Variants in THRB observed in about 807,000 individuals in gnomAD.
The protein encoded by THRB is thyroid hormone receptor beta.
A neutral mutation model predicts 47.8 loss-of-function variants in THRB; 12 were observed. The ratio of observed to expected loss-of-function variants is 0.25; its 90% confidence interval spans 0.16 to 0.41. The LOEUF is 0.41. Among genes scored for constraint, THRB ranks in the 10% least tolerant of loss-of-function variants. The probability of loss-of-function intolerance (pLI) is 1.00; values close to 1 mark genes in which losing one functional copy is unlikely to be tolerated. For missense variants in THRB, 348 were observed against 589.2 expected, an observed-to-expected ratio of 0.59 and a Z score of 4.24; for synonymous variants, 218 against 212.2, an observed-to-expected ratio of 1.03 and a Z score of -0.24.
intron 4 of THRB, among the ~76,000 whole-genome samples, chr3:24,204,934 A>C (rs13064080): frequency 6.6e-6 from 1 of 151,930 alleles, no homozygotes; most frequent in Admixed American, 6.5e-5. Flanking sequence ...GAAATGAAGC[A>C]AGAAGAGAAG....
intron 3 of THRB, among the ~76,000 whole-genome samples, chr3:24,279,204 T>A (rs1238933737): frequency 6.6e-6 from 1 of 152,184 alleles, no homozygotes; most frequent in African/African-American, 2.4e-5. Context: ...ATTCCATAAA[T>A]GGAGAACTGG....
chr3:24,161,601 G>C (rs1575505649), intron 5 of THRB, among the ~76,000 whole-genome samples: 2 of 116,170 alleles, frequency 1.7e-5, no homozygotes, highest in East Asian at 6.4e-4. Context: ...TTCACCTGGA[G>C]TCAACAGAGC....
intron 3 of THRB, among the ~76,000 whole-genome samples, chr3:24,275,317 C>A (rs1013656122): frequency 6.6e-6 from 1 of 152,174 alleles, no homozygotes; most frequent in Non-Finnish European, 1.5e-5. Context: ...TAAGTTTATG[C>A]AACATTAAAA....
At chr3:24,392,801 A>C (rs1479144597) in intron 1 of THRB, among the ~76,000 whole-genome samples, 1 of 152,170 alleles carries the variant, frequency 6.6e-6, no homozygotes, top group Non-Finnish European at 1.5e-5. Flanking sequence ...AATTCCTGAA[A>C]GGATTTTCAT....
At chr3:24,133,543 T>A (rs2034184473) in intron 8 of THRB, 81 bp from the exon 9 acceptor site, 1 of 1,333,632 alleles carries the variant, frequency 7.5e-7, no homozygotes, top group African/African-American at 1.4e-5. Context: ...TGGCAGAAAA[T>A]CTCTTCTGAA....
intron 5 of THRB, among the ~76,000 whole-genome samples, chr3:24,153,515 T>C (rs1029442883): frequency 2.0e-5 from 3 of 152,232 alleles, no homozygotes; most frequent in Non-Finnish European, 4.4e-5. Context: ...AAAATCCAAC[T>C]ATGATAACTC....
chr3:24,390,247 T>G (rs1241610230), intron 1 of THRB, among the ~76,000 whole-genome samples: 1 of 152,148 alleles, frequency 6.6e-6, no homozygotes, highest in Admixed American at 6.6e-5. Context: ...TAAAGAGGCA[T>G]GAGCCCTCTC....
intron 6 of THRB, among the ~76,000 whole-genome samples, chr3:24,148,633 G>A (rs555447417): frequency 6.6e-6 from 1 of 152,272 alleles, no homozygotes; most frequent in Admixed American, 6.5e-5. Context: ...GATAAATGGT[G>A]GGAAATATCA....
chr3:24,434,427 T>C lies in THRB; in HGVS notation c.-261+60225A>G, dbSNP rs147516277. ...TGCTAAAGGTGTAGATAACAGTACA[T>C]AGGAATCAAACATGACCAGAATAGA... On this transcript the variant is annotated intron_variant, in intron 1 of 10. Coordinates refer to ENST00000646209, the MANE Select transcript of THRB (RefSeq NM_001354712.2). Among the ~76,000 whole-genome samples, 4 of 152,132 alleles carry C rather than the reference T, an allele frequency of 2.6e-5. No individual in the cohort carries two copies. In the East Asian group the frequency reaches 7.7e-4, roughly 29 times the overall value.
chr3:24,130,755 C>A (rs1298071623), intron 9 of THRB, among the ~76,000 whole-genome samples: 3 of 152,162 alleles, frequency 2.0e-5, no homozygotes, highest in Admixed American at 2.0e-4. Flanking sequence ...TATCTCGGTC[C>A]TTAAATTCCA....
chr3:24,440,742 G>GA (rs546810778), intron 1 of THRB, among the ~76,000 whole-genome samples: 186 of 152,256 alleles, frequency 1.2e-3, no homozygotes, highest in African/African-American at 4.5e-3. Flanking sequence ...CTGAGGGGGT[G>GA]AAAGGGATGA....
At chr3:24,247,112 G>T (rs1214438248) in intron 3 of THRB, among the ~76,000 whole-genome samples, 1 of 152,176 alleles carries the variant, frequency 6.6e-6, no homozygotes, top group African/African-American at 2.4e-5. Flanking sequence ...GCTTTGAGTA[G>T]AAATCTACAA....
At chr3:24,298,243 A>G (rs2167115) in intron 2 of THRB, among the ~76,000 whole-genome samples, 70,793 of 152,040 alleles carry the variant, frequency 0.47, 17,818 homozygotes, top group African/African-American at 0.68. Context: ...GTGCCTTGAG[A>G]AAGGATCACA....
Position 24,143,657 on chromosome 3 carries a change from C to T in THRB, c.582G>A (p.Glu194=), listed in dbSNP as rs780976824. Reference sequence around the variant, plus strand: ...CTTCCCGCCGTCTTTTCTCCCGGTTCTCCTCTATCAGCTTCCTCTTGGCCA... The same window carrying T: ...CTTCCCGCCGTCTTTTCTCCCGGTTTTCCTCTATCAGCTTCCTCTTGGCCA... ...KRLAKRKLIE[E]NREKRRREEL... The change falls in exon 8 of 11, where the codon GAG becomes GAA. Residue 194 remains glutamate (E), a synonymous_variant. Coordinates refer to ENST00000646209, the MANE Select transcript of THRB (RefSeq NM_001354712.2). The T allele has an allele frequency of 1.2e-6, 2 of 1,614,158 alleles. No individual in the cohort carries two copies. The highest frequency in any genetic ancestry group is 1.7e-6 in the Non-Finnish European group (2 of 1,180,026).
At chr3:24,460,518 A>G (rs1489221818) in intron 1 of THRB, among the ~76,000 whole-genome samples, 1 of 152,226 alleles carries the variant, frequency 6.6e-6, no homozygotes, top group South Asian at 2.1e-4. Flanking sequence ...CTAATATTTA[A>G]ACAATTTTCT....
chr3:24,405,454 A>T (rs2067745033), intron 1 of THRB, among the ~76,000 whole-genome samples: 1 of 151,962 alleles, frequency 6.6e-6, no homozygotes, highest in Admixed American at 6.6e-5. Context: ...CTTTACAGAA[A>T]AAGTTTGTGG....
At position 24,250,364 on chromosome 3, in the gene THRB, G is replaced by A. The variant is rs540894830; in HGVS notation, c.-42-21363C>T. Among the ~76,000 whole-genome samples the A allele has an allele frequency of 5.5e-4, 83 of 152,218 alleles. 4 individuals carry two copies. The South Asian group carries it at 0.016, about 30-fold the overall frequency. On this transcript the variant is annotated intron_variant, in intron 3 of 10. Coordinates refer to ENST00000646209, the MANE Select transcript of THRB (RefSeq NM_001354712.2). ...AAAATTATTTATCAGGTAGAAAATA[G>A]ATATAACCATACATTATGCTCCAAG...
intron 5 of THRB, among the ~76,000 whole-genome samples, chr3:24,188,631 G>A (rs1021674775): frequency 6.6e-5 from 10 of 152,052 alleles, no homozygotes; most frequent in South Asian, 2.1e-4. Flanking sequence ...TTCTGTTGGC[G>A]TTTCACCGTA....
chr3:24,206,041 C>G (rs1231890816), intron 4 of THRB, among the ~76,000 whole-genome samples: 2 of 152,150 alleles, frequency 1.3e-5, no homozygotes, highest in Non-Finnish European at 2.9e-5. Context: ...GACTCCCACA[C>G]AATAATAATG....
Sources: gnomAD v4.1 joint callset for allele counts (sites outside exome capture counted in the v4.1 genomes callset) on GRCh38, gnomAD v4.1.1 for gene constraint, MANE v1.5 for transcripts, NCBI Gene and HGNC (gene_info 2026-07-23, HGNC 2026-07-21) for gene names.